DOCK8: variants seen among roughly 807,000 people sequenced by gnomAD.
DOCK8 encodes the protein dedicator of cytokinesis protein 8.
DOCK8 carries 141 observed loss-of-function variants against 245.6 expected under a neutral mutation model. That is an observed-to-expected ratio of 0.57 (90% CI 0.50 to 0.66). DOCK8 has a LOEUF of 0.66. Among genes scored for constraint, DOCK8 ranks in the 30% least tolerant of loss-of-function variants. The pLI, the probability that DOCK8 is intolerant of heterozygous loss-of-function variation, is 0.00. For synonymous variants in DOCK8, 1,168 were observed against 970.2 expected, an observed-to-expected ratio of 1.20 and a Z score of -3.79; for missense variants, 2,965 against 2,603.4, an observed-to-expected ratio of 1.14 and a Z score of -3.02.
intron 28 of DOCK8, among the ~76,000 whole-genome samples, chr9:409,932 A>C (rs1488724842): frequency 6.6e-6 from 1 of 152,034 alleles, no homozygotes; most frequent in Non-Finnish European, 1.5e-5. Flanking sequence ...CATTTTCTTA[A>C]TCCAGTCTAC....
At chr9:464,132 C>G in intron 47 of DOCK8, 27 bp from the exon 48 acceptor site, 1 of 1,590,524 alleles carries the variant, frequency 6.3e-7, no homozygotes, top group African/African-American at 1.3e-5. Context: ...CTCTTTCCCT[C>G]TCCTCCCTCT....
At chr9:257,499 TTTG>T (rs759722845) in intron 1 of DOCK8, among the ~76,000 whole-genome samples, 2 of 151,888 alleles carry the variant, frequency 1.3e-5, no homozygotes, top group African/African-American at 2.4e-5. Context: ...TTGTTTTTTG[TTTG>T]TTGTTGTTGT....
intron 1 of DOCK8, among the ~76,000 whole-genome samples, chr9:270,195 G>A (rs943938533): frequency 6.6e-6 from 1 of 152,110 alleles, no homozygotes. Context: ...TAAAGAAAAC[G>A]CTGTAGAAAA....
In DOCK8 at chr9:429,824, C is replaced by T; in HGVS notation, c.4596C>T (p.Leu1532=). ...GCCAAGCCTGTGCCACCCTTTACCT[C>T]CTCATGAGGTTCAGTTTTGGAGCCA... The part of the protein sequence containing the change: ...TRSQACATLY[L]LMRFSFGATS... The change falls in exon 36 of 48, where the codon CTC becomes CTT. Residue 1532 remains leucine (L), a synonymous_variant. Transcript: ENST00000432829. 1 of 1,614,172 alleles carries T rather than the reference C, an allele frequency of 6.2e-7. No individual in the cohort carries two copies. Among genetic ancestry groups the T allele is most frequent in the Non-Finnish European group, 8.5e-7 (1 of 1,180,020 alleles).
intron 14 of DOCK8, among the ~76,000 whole-genome samples, chr9:341,219 T>G (rs1180877404): frequency 6.6e-6 from 1 of 152,252 alleles, no homozygotes; most frequent in African/African-American, 2.4e-5. Context: ...TAACTGTATG[T>G]GTCTACTATA....
intron 5 of DOCK8, among the ~76,000 whole-genome samples, chr9:305,314 G>A (rs7857329): frequency 0.026 from 3,905 of 150,152 alleles, 164 homozygotes; most frequent in African/African-American, 0.09. Flanking sequence ...ACAGAGTCTC[G>A]CTCTGTCGCC....
chr9:218,592 C>CT (rs1399739138), intron 1 of DOCK8, among the ~76,000 whole-genome samples: 1 of 152,106 alleles, frequency 6.6e-6, no homozygotes, highest in Non-Finnish European at 1.5e-5. Flanking sequence ...TGTTAATTGC[C>CT]TTTTTTCTTA....
intron 1 of DOCK8, among the ~76,000 whole-genome samples, chr9:255,668 C>CGAAAAAAAAAAAAAAAAAAAAAA (rs1563844740): frequency 4.3e-5 from 1 of 23,504 alleles, no homozygotes; most frequent in Non-Finnish European, 7.6e-5. Flanking sequence ...ACTCCATCTC[C>CGAAAAAAAAAAAAAAAAAAAAAA]AAAAAAAAAA....
At chr9:463,032 A>G (rs2057854922) in intron 46 of DOCK8, among the ~76,000 whole-genome samples, 1 of 152,232 alleles carries the variant, frequency 6.6e-6, no homozygotes, top group African/African-American at 2.4e-5. Context: ...TCTGGCACAT[A>G]GCAAGTCAGA....
rs566019318 is a variant in DOCK8, at chr9:231,442, G to A, written c.53+16413G>A. 1.1e-4 allele frequency among the ~76,000 whole-genome samples: 16 copies of A among 152,290 alleles called. No homozygotes were observed. The South Asian group carries it at 2.3e-3, about 22-fold the overall frequency. Reference sequence around the variant, plus strand: ...AGTTTTTTCCAATTCTGTGAAGAACGTCATTGGTAGCTTGATGCGGATGGC... The same window carrying A: ...AGTTTTTTCCAATTCTGTGAAGAACATCATTGGTAGCTTGATGCGGATGGC... On this transcript the variant is annotated intron_variant, in intron 1 of 47. Coordinates refer to ENST00000432829, the MANE Select transcript of DOCK8 (RefSeq NM_203447.4).
chr9:427,881 A>G (rs536540609), intron 34 of DOCK8, among the ~76,000 whole-genome samples: 1 of 152,334 alleles, frequency 6.6e-6, no homozygotes, highest in Admixed American at 6.5e-5. Flanking sequence ...ACTAGCCCCC[A>G]AATATATTTG....
intron 36 of DOCK8, 76 bp from the exon 37 acceptor site, chr9:432,090 G>A (rs2056734235): frequency 6.7e-7 from 1 of 1,498,788 alleles, no homozygotes; most frequent in Admixed American, 1.8e-5. Flanking sequence ...TTTGTGTCTG[G>A]CCATGCTGCT....
intron 18 of DOCK8, 52 bp downstream of exon 18, chr9:372,338 C>T: frequency 1.4e-6 from 2 of 1,406,990 alleles, no homozygotes; most frequent in Non-Finnish European, 2.0e-6. Context: ...TAGTCTTGGA[C>T]CACCTTCCCA....
At chr9:288,874 T>A (rs2048930777) in intron 3 of DOCK8, among the ~76,000 whole-genome samples, 1 of 152,256 alleles carries the variant, frequency 6.6e-6, no homozygotes, top group South Asian at 2.1e-4. Flanking sequence ...CTTGTAGCAT[T>A]TAAGCCTGTT....
At chr9:222,120 A>C (rs1022982501) in intron 1 of DOCK8, among the ~76,000 whole-genome samples, 1 of 151,878 alleles carries the variant, frequency 6.6e-6, no homozygotes, top group South Asian at 2.1e-4. Context: ...AACATTAGGC[A>C]GACAGGGTGG....
chr9:267,109 A>G (rs1017548282), intron 1 of DOCK8, among the ~76,000 whole-genome samples: 3 of 152,238 alleles, frequency 2.0e-5, no homozygotes, highest in Non-Finnish European at 4.4e-5. Context: ...CTGAAGTTCC[A>G]TATTAGGAAA....
At chr9:260,237 A>G (rs111676629) in intron 1 of DOCK8, among the ~76,000 whole-genome samples, 2 of 152,208 alleles carry the variant, frequency 1.3e-5, no homozygotes, top group Non-Finnish European at 2.9e-5. Flanking sequence ...TGCCCAAATG[A>G]AATTTTCAGC....
At chr9:280,205 A>G (rs538832800) in intron 2 of DOCK8, among the ~76,000 whole-genome samples, 2 of 152,320 alleles carry the variant, frequency 1.3e-5, no homozygotes, top group East Asian at 3.9e-4. Context: ...ATTTCTAATT[A>G]TTTTTTGTGT....
intron 7 of DOCK8, among the ~76,000 whole-genome samples, chr9:317,578 C>T (rs935313053): frequency 1.3e-5 from 2 of 152,164 alleles, no homozygotes; most frequent in Non-Finnish European, 2.9e-5. Context: ...TTTGCACCAC[C>T]CTCAGCACCC....
Sources: gnomAD v4.1 joint callset for allele counts (sites outside exome capture counted in the v4.1 genomes callset) on GRCh38, gnomAD v4.1.1 for gene constraint, MANE v1.5 for transcripts, NCBI Gene and HGNC (gene_info 2026-07-23, HGNC 2026-07-21) for gene names.